The following CDH11 variants were observed in gnomAD, a reference collection of about 807,000 sequenced individuals.
CDH11 encodes the protein cadherin 11, also known as cadherin-11.
Under a neutral mutation model 67.8 loss-of-function variants are expected in CDH11, and 11 were observed. The ratio of observed to expected loss-of-function variants is 0.16; its 90% confidence interval spans 0.10 to 0.27. The LOEUF (loss-of-function observed/expected upper bound fraction) is 0.27. Ranked by LOEUF, CDH11 falls within the 10% of genes least tolerant of loss-of-function variation. The pLI is 1.00. For synonymous variants in CDH11, 419 were observed against 400.0 expected (o/e 1.05, Z -0.57); for missense variants, 847 against 1,031.2 (o/e 0.82, Z 2.45).
chr16:65,004,957 C>G lies in CDH11; in HGVS notation c.-88G>C. ...GTCTTGCTGAGGGTGGCCTCCCGGACGCGTCACGCAGACCTCTCTTGGGAT... is the reference window on the plus strand; with the variant it reads ...GTCTTGCTGAGGGTGGCCTCCCGGAGGCGTCACGCAGACCTCTCTTGGGAT... On this transcript the variant is annotated 5_prime_UTR_variant, in exon 3 of 13. Coordinates refer to ENST00000268603, the MANE Select transcript of CDH11 (RefSeq NM_001797.4). The G allele has an allele frequency of 7.0e-7, 1 of 1,437,988 alleles. No individual in the cohort carries two copies. Among genetic ancestry groups the G allele is most frequent in the Non-Finnish European group, 9.2e-7 (1 of 1,091,284 alleles). The allele number at this position is 1,437,988 out of a possible 1,614,324, so 89.1% of individuals were successfully genotyped here.
chr16:64,982,109 C>T lies in CDH11; in HGVS notation c.1192G>A (p.Ala398Thr), dbSNP rs2072366878. The T allele has an allele frequency of 6.2e-7, 1 of 1,613,958 alleles. No homozygotes were observed. Among genetic ancestry groups the T allele is most frequent in the South Asian group, 1.1e-5 (1 of 91,092 alleles). ...TGCACTCTCCCAACCACGGTGCCAG[C>T]AGCTGCATTTTCTTGGACTTCGTGG... ...YIHEVQENAA[A>T]GTVVGRVHAK... The change falls in exon 8 of 13, where the codon GCT becomes ACT. Residue 398 changes from alanine to threonine, a missense_variant. Ala to Thr is a moderately conservative substitution (Grantham distance 58). Coordinates refer to ENST00000268603, the MANE Select transcript of CDH11 (RefSeq NM_001797.4).
chr16:64,968,706 T>A, intron 11 of CDH11: 1 of 194,944 alleles, frequency 5.1e-6, no homozygotes, highest in Non-Finnish European at 9.3e-6. Context: ...TTACATGGCA[T>A]AATGGAAGTA....
chr16:64,953,817 G>T (rs1289980500), intron 11 of CDH11, among the ~76,000 whole-genome samples: 1 of 152,178 alleles, frequency 6.6e-6, no homozygotes, highest in African/African-American at 2.4e-5. Context: ...AAAAATGAAT[G>T]TTAAAAATTT....
chr16:65,100,607 G>A (rs2074974140), intron 1 of CDH11, among the ~76,000 whole-genome samples: 5 of 151,838 alleles, frequency 3.3e-5, no homozygotes, highest in South Asian at 4.2e-4. Context: ...GCGTCGTGGC[G>A]GGCGCCTGTG....
intron 1 of CDH11, among the ~76,000 whole-genome samples, chr16:65,110,224 T>G (rs1318192609): frequency 2.0e-5 from 3 of 152,104 alleles, no homozygotes; most frequent in Admixed American, 2.0e-4. Flanking sequence ...CCTATCTGAC[T>G]CTCAACATTC....
chr16:65,070,019 G>A (rs1335057798), intron 1 of CDH11, among the ~76,000 whole-genome samples: 1 of 152,136 alleles, frequency 6.6e-6, no homozygotes, highest in Non-Finnish European at 1.5e-5. Flanking sequence ...ATCTGACTCA[G>A]AATAAATTAG....
chr16:64,964,553 T>C (rs2142405617), intron 11 of CDH11, among the ~76,000 whole-genome samples: 1 of 151,994 alleles, frequency 6.6e-6, no homozygotes, highest in South Asian at 2.1e-4. Flanking sequence ...ATTTATTTAT[T>C]TATTTATTAT....
intron 1 of CDH11, among the ~76,000 whole-genome samples, chr16:65,072,782 A>C (rs2074440360): frequency 6.6e-6 from 1 of 152,208 alleles, no homozygotes; most frequent in Non-Finnish European, 1.5e-5. Context: ...GGCTCTGGGC[A>C]AGTTGCCTGA....
intron 1 of CDH11, among the ~76,000 whole-genome samples, chr16:65,091,604 T>C (rs1378875989): frequency 1.3e-5 from 2 of 149,004 alleles, no homozygotes; most frequent in Non-Finnish European, 3.0e-5. Context: ...CGGGCTGGAG[T>C]GCAGTGGTGC....
At chr16:65,060,358 G>GAA (rs1567554843) in intron 1 of CDH11, among the ~76,000 whole-genome samples, 17 of 147,462 alleles carry the variant, frequency 1.2e-4, no homozygotes, top group Non-Finnish European at 2.1e-4. Flanking sequence ...TATATATAGA[G>GAA]AGAGAGAGAG....
intron 1 of CDH11, among the ~76,000 whole-genome samples, chr16:65,059,179 C>T (rs2142734484): frequency 6.6e-6 from 1 of 152,210 alleles, no homozygotes; most frequent in Middle Eastern, 3.4e-3. Flanking sequence ...GACCTCTACT[C>T]CCACTGCGTG....
At chr16:65,093,788 T>A (rs1359997031) in intron 1 of CDH11, among the ~76,000 whole-genome samples, 1 of 152,206 alleles carries the variant, frequency 6.6e-6, no homozygotes, top group Non-Finnish European at 1.5e-5. Context: ...AATTTCAGTA[T>A]GTTCTTATAC....
At chr16:65,100,940 G>A (rs562814085) in intron 1 of CDH11, among the ~76,000 whole-genome samples, 73 of 152,162 alleles carry the variant, frequency 4.8e-4, no homozygotes, top group African/African-American at 1.4e-3. Flanking sequence ...CTCTTATCAA[G>A]GGAGCAGTTC....
At chr16:65,086,528 C>T (rs927889877) in intron 1 of CDH11, among the ~76,000 whole-genome samples, 5 of 152,200 alleles carry the variant, frequency 3.3e-5, no homozygotes, top group Non-Finnish European at 7.3e-5. Context: ...ATGAAGGCAC[C>T]TTCCTGTAAA....
chr16:64,992,329 T>G (rs1164220438), intron 5 of CDH11, among the ~76,000 whole-genome samples: 2 of 152,220 alleles, frequency 1.3e-5, no homozygotes, highest in African/African-American at 4.8e-5. Flanking sequence ...GTTTTGATGG[T>G]GCATATTAAG....
chr16:64,950,353 T>A (rs926119306), intron 12 of CDH11, among the ~76,000 whole-genome samples: 3 of 152,154 alleles, frequency 2.0e-5, no homozygotes, highest in Non-Finnish European at 2.9e-5. Context: ...CTTATGGGCC[T>A]AATGTCCCTA....
Position 65,004,686 on chromosome 16 carries a change from C to T in CDH11, c.184G>A (p.Val62Met), listed in dbSNP as rs556647809. The T allele has an allele frequency of 2.6e-5, 42 of 1,613,652 alleles. No individual in the cohort carries two copies. Among genetic ancestry groups the T allele is most frequent in the Non-Finnish European group, 3.4e-5 (40 of 1,179,990 alleles). Residue 62 changes from valine to methionine, a missense_variant, in exon 3 of 13, where the codon GTG (valine) becomes ATG (methionine). Physicochemically the swap from Val to Met is conservative, Grantham distance 21. Transcript: ENST00000268603. Reference protein sequence around the residue: ...KRGWVWNQFFVIEEYTGPDPV... With the variant: ...KRGWVWNQFFMIEEYTGPDPV... ...TCAGGCCCGGTGTACTCCTCTATCA[C>T]GAAGAACTGGTTCCAGACCCAGCCA...
chr16:64,997,226 G>A (rs1156951299), intron 4 of CDH11, among the ~76,000 whole-genome samples: 1 of 151,586 alleles, frequency 6.6e-6, no homozygotes, highest in Non-Finnish European at 1.5e-5. Flanking sequence ...CTTGAAGCCG[G>A]GAGACAGAGG....
intron 6 of CDH11, 139 bp from the exon 7 acceptor site, chr16:64,988,483 T>C (rs1478879274): frequency 2.7e-6 from 2 of 742,388 alleles, no homozygotes; most frequent in Non-Finnish European, 4.3e-6. Context: ...AAGAAGTGAG[T>C]GGATGTGGGG....
Sources: allele counts gnomAD v4.1 joint callset (sites outside exome capture counted in the v4.1 genomes callset), GRCh38; gene constraint gnomAD v4.1.1; transcripts MANE v1.5; gene names NCBI Gene and HGNC (gene_info 2026-07-23, HGNC 2026-07-21).